Variants in AMBRA1 observed in about 807,000 individuals in gnomAD.
The protein encoded by AMBRA1 is autophagy and beclin 1 regulator 1.
Under a neutral mutation model 125.4 loss-of-function variants are expected in AMBRA1, and 47 were observed. The ratio of observed to expected loss-of-function variants is 0.37; its 90% CI spans 0.30 to 0.48. AMBRA1 has a LOEUF of 0.48. Among genes scored for constraint, AMBRA1 ranks in the 20% least tolerant of loss-of-function variants. The probability of loss-of-function intolerance (pLI) is 0.99; values close to 1 mark genes in which losing one functional copy is unlikely to be tolerated. For synonymous variants in AMBRA1, 626 were observed against 655.5 expected (o/e 0.95, Z 0.69); for missense variants, 1,331 against 1,693.4 (o/e 0.79, Z 3.76).
intron 11 of AMBRA1, among the ~76,000 whole-genome samples, chr11:46,454,873 C>CTTTTT (rs1008795533): frequency 7.4e-6 from 1 of 134,440 alleles, no homozygotes; most frequent in African/African-American, 2.8e-5. Flanking sequence ...CTGGTATTAG[C>CTTTTT]TTTTTTTTTT....
intron 1 of AMBRA1, among the ~76,000 whole-genome samples, chr11:46,554,910 A>T (rs898624363): frequency 6.6e-6 from 1 of 152,130 alleles, no homozygotes; most frequent in Non-Finnish European, 1.5e-5. Context: ...ATCCAAGTAG[A>T]AGCAAAAGAC....
At chr11:46,584,451 C>T (rs1045048955) in intron 1 of AMBRA1, among the ~76,000 whole-genome samples, 6 of 150,116 alleles carry the variant, frequency 4.0e-5, no homozygotes, top group Non-Finnish European at 7.4e-5. Context: ...TGCAGCACAC[C>T]AGCATGGCAC....
intron 11 of AMBRA1, among the ~76,000 whole-genome samples, chr11:46,488,685 T>C (rs1381350889): frequency 6.6e-6 from 1 of 152,176 alleles, no homozygotes; most frequent in Non-Finnish European, 1.5e-5. Flanking sequence ...TAACACTCTC[T>C]AGAAGAGCCT....
intron 1 of AMBRA1, among the ~76,000 whole-genome samples, chr11:46,569,386 A>G (rs2135268285): frequency 6.8e-6 from 1 of 148,052 alleles, no homozygotes; most frequent in Admixed American, 6.8e-5. Flanking sequence ...ATTACCCTGC[A>G]GCCTACCTTT....
At chr11:46,463,994 G>A (rs1020774849) in intron 11 of AMBRA1, among the ~76,000 whole-genome samples, 1 of 152,292 alleles carries the variant, frequency 6.6e-6, no homozygotes, top group African/African-American at 2.4e-5. Flanking sequence ...AGGAGAGATA[G>A]GGAGCTTTTC....
At chr11:46,592,762 A>G (rs532689598) in intron 1 of AMBRA1, among the ~76,000 whole-genome samples, 4 of 151,972 alleles carry the variant, frequency 2.6e-5, no homozygotes, top group South Asian at 2.1e-4. Context: ...TCTTAAAAAA[A>G]AAAAAGAAAA....
At chr11:46,545,933 T>C in intron 4 of AMBRA1, 157 bp from the exon 5 acceptor site, 1 of 636,970 alleles carries the variant, frequency 1.6e-6, no homozygotes, top group Non-Finnish European at 2.7e-6. Flanking sequence ...AGCGATCTGG[T>C]AGTGCCACTA....
At chr11:46,467,548 TC>T (rs1160145923) in intron 11 of AMBRA1, among the ~76,000 whole-genome samples, 85 of 150,750 alleles carry the variant, frequency 5.6e-4, no homozygotes, top group African/African-American at 2.0e-3. Flanking sequence ...TCTATGTTAC[TC>T]TTTTTTTTTT....
At chr11:46,402,444 C>T (rs1945810234) in intron 17 of AMBRA1, among the ~76,000 whole-genome samples, 1 of 152,144 alleles carries the variant, frequency 6.6e-6, no homozygotes, top group Admixed American at 6.5e-5. Context: ...TCACTACAAC[C>T]TCCGCCTCCC....
chr11:46,548,223 T>C, intron 2 of AMBRA1, 23 bp downstream of exon 2: 1 of 1,613,992 alleles, frequency 6.2e-7, no homozygotes, highest in Non-Finnish European at 8.5e-7. Flanking sequence ...AAATCCTATG[T>C]GAAATATAGC....
intron 12 of AMBRA1, among the ~76,000 whole-genome samples, chr11:46,442,384 C>A (rs1948062728): frequency 6.6e-6 from 1 of 151,970 alleles, no homozygotes; most frequent in African/African-American, 2.4e-5. Context: ...ATCACGTGAT[C>A]CTCCCAACTC....
At chr11:46,486,908 C>CATAA (rs56834227) in intron 11 of AMBRA1, among the ~76,000 whole-genome samples, 9,695 of 139,218 alleles carry the variant, frequency 0.07, 390 homozygotes, top group East Asian at 0.14. Flanking sequence ...TCCATCTCAA[C>CATAA]ATAAATAAAT....
intron 5 of AMBRA1, 48 bp downstream of exon 5, chr11:46,545,556 A>G: frequency 1.3e-6 from 2 of 1,582,876 alleles, no homozygotes; most frequent in South Asian, 2.3e-5. Flanking sequence ...AATGTTCTCT[A>G]TCACGTCAGT....
chr11:46,542,445 A>T lies in AMBRA1; in HGVS notation c.1572T>A (p.Ala524=). The change falls in exon 7 of 18, where the codon GCT becomes GCA. Residue 524 remains alanine (A), a synonymous_variant. Coordinates refer to ENST00000683756, the MANE Select transcript of AMBRA1 (RefSeq NM_001387011.1). This position sits in a 1 kb window ranked among gnomAD's most constrained non-coding sequence, Gnocchi z 5.9. ...TTTCCTGGGCCTGTTGGGTCTGGGG[A>T]GCTTCCCCACTCAGGCTCTGATCCA... ...QELDQSLSGE[A]PQTQQAQEML... is the part of the protein sequence containing the mutation. 1 of 1,613,764 alleles carries T rather than the reference A, an allele frequency of 6.2e-7. No homozygotes were observed. The highest frequency in any genetic ancestry group is 8.5e-7 in the Non-Finnish European group (1 of 1,179,970).
At chr11:46,408,487 C>A in intron 17 of AMBRA1, 26 bp downstream of exon 17, 2 of 1,491,180 alleles carry the variant, frequency 1.3e-6, no homozygotes, top group Non-Finnish European at 1.8e-6. Flanking sequence ...CCTCTCCCAC[C>A]CCCTCCAGCG....
chr11:46,587,261 T>C (rs1343073566), intron 1 of AMBRA1, among the ~76,000 whole-genome samples: 1 of 151,974 alleles, frequency 6.6e-6, no homozygotes, highest in Non-Finnish European at 1.5e-5. Flanking sequence ...ACACCTGTAG[T>C]CCCAGCTACT....
chr11:46,476,127 C>G (rs1383581905), intron 11 of AMBRA1, among the ~76,000 whole-genome samples: 2 of 152,022 alleles, frequency 1.3e-5, no homozygotes, highest in African/African-American at 4.8e-5. Context: ...CACACAGTAC[C>G]CAGAAATAAT....
intron 7 of AMBRA1, among the ~76,000 whole-genome samples, chr11:46,519,087 G>C (rs951046920): frequency 6.6e-6 from 1 of 152,136 alleles, no homozygotes; most frequent in Admixed American, 6.5e-5. Flanking sequence ...ACAGTGGCGC[G>C]ATCTTGGCTA....
At chr11:46,419,517 T>C (rs1009773075) in intron 14 of AMBRA1, among the ~76,000 whole-genome samples, 5 of 152,222 alleles carry the variant, frequency 3.3e-5, no homozygotes, top group African/African-American at 9.6e-5. Flanking sequence ...ACTGCTATTA[T>C]TGCAACCAGG....
Sources: allele counts gnomAD v4.1 joint callset (sites outside exome capture counted in the v4.1 genomes callset), GRCh38; gene constraint gnomAD v4.1.1; non-coding constraint Gnocchi (gnomAD v3.1); transcripts MANE v1.5; gene names NCBI Gene and HGNC (gene_info 2026-07-23, HGNC 2026-07-21).